The following GRM8 variants were observed in gnomAD, a reference collection of about 807,000 sequenced individuals.
GRM8 encodes the protein metabotropic glutamate receptor 8.
In GRM8, 47 loss-of-function variants were observed where a neutral mutation model predicts 87.2. The observed-to-expected ratio is 0.54, with a 90% CI of 0.43 to 0.69. The LOEUF (loss-of-function observed/expected upper bound fraction) is 0.69, where lower values mean the gene tolerates loss of function less well. Among genes scored for constraint, GRM8 ranks in the 30% least tolerant of loss-of-function variants. GRM8 has a pLI of 0.00. For missense variants in GRM8, 1,019 were observed against 1,139.2 expected, an observed-to-expected ratio of 0.89 and a Z score of 1.52; for synonymous variants, 396 against 404.5, an observed-to-expected ratio of 0.98 and a Z score of 0.25.
intron 2 of GRM8, among the ~76,000 whole-genome samples, chr7:127,232,994 T>C (rs7800526): frequency 0.29 from 43,750 of 151,826 alleles, 7,062 homozygotes; most frequent in Middle Eastern, 0.41. Context: ...CATGCCACCA[T>C]GCCCAGCTAA....
chr7:126,854,504 T>C (rs1348390043), intron 6 of GRM8, among the ~76,000 whole-genome samples: 1 of 152,194 alleles, frequency 6.6e-6, no homozygotes, highest in Non-Finnish European at 1.5e-5. Context: ...TCACTAGGTC[T>C]GGGGTGGAAC....
chr7:127,111,754 C>T (rs568421069), intron 2 of GRM8, among the ~76,000 whole-genome samples: 13 of 152,244 alleles, frequency 8.5e-5, no homozygotes, highest in South Asian at 2.1e-4. Flanking sequence ...AGGCTGGGTG[C>T]GGTGTCTCAC....
chr7:126,653,139 A>G (rs1804107272), intron 7 of GRM8, among the ~76,000 whole-genome samples: 1 of 152,102 alleles, frequency 6.6e-6, no homozygotes, highest in Non-Finnish European at 1.5e-5. Context: ...ACATGTCTAC[A>G]GAAACATTTT....
intron 9 of GRM8, among the ~76,000 whole-genome samples, chr7:126,472,516 T>G (rs1318129125): frequency 6.6e-6 from 1 of 152,114 alleles, no homozygotes; most frequent in African/African-American, 2.4e-5. Flanking sequence ...CACAAAGATA[T>G]GGTTTGGAAT....
intron 7 of GRM8, among the ~76,000 whole-genome samples, chr7:126,677,665 A>G (rs998629671): frequency 6.6e-6 from 1 of 152,196 alleles, no homozygotes; most frequent in Non-Finnish European, 1.5e-5. Flanking sequence ...AAAGGCATGC[A>G]GAATGGTATA....
At chr7:127,174,440 C>T (rs1563558271) in intron 2 of GRM8, among the ~76,000 whole-genome samples, 1 of 152,134 alleles carries the variant, frequency 6.6e-6, no homozygotes, top group Non-Finnish European at 1.5e-5. Context: ...TGAACTTTAC[C>T]CTCAGGAGAG....
chr7:127,202,609 C>T (rs1186394896), intron 2 of GRM8, among the ~76,000 whole-genome samples: 4 of 152,098 alleles, frequency 2.6e-5, no homozygotes, highest in African/African-American at 9.7e-5. Flanking sequence ...CACAATAATC[C>T]TACATGGTAC....
At chr7:127,099,934 T>G (rs556672690) in intron 3 of GRM8, among the ~76,000 whole-genome samples, 9 of 152,210 alleles carry the variant, frequency 5.9e-5, no homozygotes, top group African/African-American at 2.2e-4. Context: ...CAATATATCT[T>G]CATTTTTATA....
At chr7:126,719,663 GAA>G (rs1288061780) in intron 7 of GRM8, among the ~76,000 whole-genome samples, 2 of 152,100 alleles carry the variant, frequency 1.3e-5, no homozygotes, top group Non-Finnish European at 2.9e-5. Context: ...TGTGATAGCT[GAA>G]GTTTGCCCAG....
At chr7:127,002,375 G>A (rs1813819293) in intron 3 of GRM8, among the ~76,000 whole-genome samples, 1 of 151,726 alleles carries the variant, frequency 6.6e-6, no homozygotes, top group African/African-American at 2.4e-5. Context: ...CAGGTAACTG[G>A]CAACACCAGA....
chr7:127,004,478 C>A (rs1289145757), intron 3 of GRM8, among the ~76,000 whole-genome samples: 1 of 151,410 alleles, frequency 6.6e-6, no homozygotes, highest in African/African-American at 2.4e-5. Context: ...ATAGGTAAGA[C>A]AATAAATGTG....
At chr7:126,577,900 C>G (rs766617400) in intron 8 of GRM8, among the ~76,000 whole-genome samples, 2 of 152,032 alleles carry the variant, frequency 1.3e-5, no homozygotes, top group Non-Finnish European at 2.9e-5. Context: ...TCTTTCATAA[C>G]TCTTAAAATC....
At chr7:126,693,586 T>C (rs1585550911) in intron 7 of GRM8, among the ~76,000 whole-genome samples, 2 of 152,146 alleles carry the variant, frequency 1.3e-5, no homozygotes, top group South Asian at 4.1e-4. Flanking sequence ...TCCTTTGTTT[T>C]CTAACATAAA....
intron 9 of GRM8, among the ~76,000 whole-genome samples, chr7:126,478,661 T>C (rs983429669): frequency 6.6e-6 from 1 of 152,148 alleles, no homozygotes; most frequent in African/African-American, 2.4e-5. Context: ...GATATGAGCA[T>C]GCTAATTGAG....
At chr7:126,528,410 C>A (rs1358210711) in intron 9 of GRM8, among the ~76,000 whole-genome samples, 1 of 152,112 alleles carries the variant, frequency 6.6e-6, no homozygotes, top group Non-Finnish European at 1.5e-5. Context: ...CAATATTATG[C>A]TGAGTGCTGA....
intron 3 of GRM8, among the ~76,000 whole-genome samples, chr7:126,926,940 A>G (rs1344023063): frequency 2.0e-5 from 3 of 152,138 alleles, no homozygotes; most frequent in Admixed American, 6.5e-5. Flanking sequence ...CAACCAGCCT[A>G]TTGGTTCTTT....
chr7:127,142,730 C>T lies in GRM8; in HGVS notation c.511-36018G>A, dbSNP rs546917898. Among the ~76,000 whole-genome samples the T allele has an allele frequency of 2.4e-4, 36 of 151,992 alleles. 2 individuals carry two copies. The highest frequency in any genetic ancestry group is 8.4e-4 in the African/African-American group (35 of 41,464). On this transcript the variant is annotated intron_variant, in intron 2 of 10. Transcript: ENST00000339582. ...TGGATGGATGGGATGGATGGACGGACAGATGGACGGATGGACAGCGAGACA... is the reference window on the plus strand; with the variant it reads ...TGGATGGATGGGATGGATGGACGGATAGATGGACGGATGGACAGCGAGACA...
At chr7:127,184,461 T>C (rs1187992103) in intron 2 of GRM8, among the ~76,000 whole-genome samples, 1 of 151,874 alleles carries the variant, frequency 6.6e-6, no homozygotes, top group South Asian at 2.1e-4. Flanking sequence ...CCGTGTATAA[T>C]AAAAATTATC....
chr7:126,664,032 C>A (rs531110771), intron 7 of GRM8, among the ~76,000 whole-genome samples: 1 of 152,244 alleles, frequency 6.6e-6, no homozygotes, highest in South Asian at 2.1e-4. Flanking sequence ...AGAACATGAT[C>A]CCATTTACAA....
Sources: allele counts gnomAD v4.1 joint callset (sites outside exome capture counted in the v4.1 genomes callset), GRCh38; gene constraint gnomAD v4.1.1; transcripts MANE v1.5; gene names NCBI Gene and HGNC (gene_info 2026-07-23, HGNC 2026-07-21).